Variants in RGS5 observed in about 807,000 individuals in gnomAD.
RGS5 encodes the protein regulator of G-protein signalling 5.
In RGS5, 20 loss-of-function variants were observed where a neutral mutation model predicts 18.9. That is an observed-to-expected ratio of 1.06 (90% CI 0.74 to 1.54). The LOEUF (loss-of-function observed/expected upper bound fraction) is 1.54. RGS5 is among the 40% of genes most tolerant of loss of function. RGS5 has a pLI of 0.00. For missense variants in RGS5, 201 were observed against 211.8 expected, an observed-to-expected ratio of 0.95 and a Z score of 0.32; for synonymous variants, 57 against 76.2, an observed-to-expected ratio of 0.75 and a Z score of 1.31.
rs1425087884 is a variant in RGS5 at position 163,146,268 on chromosome 1, G to T, written c.*1074C>A. The stretch of plus-strand genomic sequence containing the variant: ...TTTTTTTTTTTTTTTGCAAAATGCA[G>T]TGTACCTTAAAAGTGTCTCACCTAG... On this transcript the variant is annotated 3_prime_UTR_variant, in exon 5 of 5. Coordinates refer to ENST00000313961, the MANE Select transcript of RGS5 (RefSeq NM_003617.4). 1 of 148,724 alleles carries T rather than the reference G, an allele frequency of 6.7e-6. No individual in the cohort carries two copies. The highest frequency in any genetic ancestry group is 2.5e-5 in the African/African-American group (1 of 40,102). The allele number at this position is 148,724 out of a possible 1,614,324, so 9.2% of individuals were successfully genotyped here.
At chr1:163,288,225 A>G (rs1050984204) in intron 2 of RGS5, among the ~76,000 whole-genome samples, 3 of 152,180 alleles carry the variant, frequency 2.0e-5, no homozygotes, top group Non-Finnish European at 4.4e-5. Context: ...GTTACATTCA[A>G]TAATTCTCTA....
At chr1:163,269,243 G>A (rs1648650541) in intron 2 of RGS5, among the ~76,000 whole-genome samples, 1 of 152,092 alleles carries the variant, frequency 6.6e-6, no homozygotes, top group Non-Finnish European at 1.5e-5. Context: ...AAAAAATTGG[G>A]CTGGAACTAG....
intron 2 of RGS5, among the ~76,000 whole-genome samples, chr1:163,283,351 C>T (rs1042066318): frequency 2.0e-5 from 3 of 152,150 alleles, no homozygotes; most frequent in Non-Finnish European, 4.4e-5. Flanking sequence ...TACTAATTAT[C>T]CTGATTTGAT....
intron 1 of RGS5, among the ~76,000 whole-genome samples, chr1:163,311,054 G>A (rs1649845266): frequency 6.6e-6 from 1 of 152,148 alleles, no homozygotes; most frequent in African/African-American, 2.4e-5. Flanking sequence ...CTTGATACAT[G>A]GGGATTATGA....
chr1:163,153,140 G>A (rs993368326), intron 3 of RGS5, among the ~76,000 whole-genome samples: 1 of 152,148 alleles, frequency 6.6e-6, no homozygotes, highest in African/African-American at 2.4e-5. Context: ...TGCAAGTAAT[G>A]TTAATGTTAA....
At chr1:163,300,286 G>C (rs1403228588) in intron 2 of RGS5, 3 of 152,176 alleles carry the variant, frequency 2.0e-5, no homozygotes, top group Non-Finnish European at 2.9e-5. Context: ...TGCAGGTGGA[G>C]GTTACCAAAA....
At chr1:163,232,342 T>C (rs965123228) in intron 2 of RGS5, among the ~76,000 whole-genome samples, 4 of 152,222 alleles carry the variant, frequency 2.6e-5, no homozygotes, top group African/African-American at 9.6e-5. Flanking sequence ...CTGTGCCTTC[T>C]GAAGCAAATA....
chr1:163,247,533 C>T (rs1048471242), intron 2 of RGS5, among the ~76,000 whole-genome samples: 22 of 151,358 alleles, frequency 1.5e-4, no homozygotes, highest in African/African-American at 5.3e-4. Context: ...CTATATGTAC[C>T]ACTTTAGTTA....
Position 163,258,645 on chromosome 1 carries a change from CTGTGTGTGTGTGTGTG to C in RGS5, c.-281+47572_-281+47587del, listed in dbSNP as rs113301415. On this transcript the variant is annotated intron_variant, in intron 2 of 5. Transcript: ENST00000618415. ...GAGGAAAATGCTAAAGTAAGTGTGT[CTGTGTGTGTGTGTGTG>C]TGTGTGTGTGTGTACAATTTTTTTT... Among the ~76,000 whole-genome samples the C allele has an allele frequency of 4.0e-5, 6 of 148,290 alleles. 1 individual carries two copies. The highest frequency in any genetic ancestry group is 4.3e-4 in the South Asian group (2 of 4,616).
At chr1:163,306,945 A>C (rs1571353788) in intron 1 of RGS5, among the ~76,000 whole-genome samples, 1 of 152,130 alleles carries the variant, frequency 6.6e-6, no homozygotes, top group East Asian at 1.9e-4. Flanking sequence ...TGAGACAATG[A>C]ATTTCTGTTG....
At chr1:163,260,214 G>A (rs546074579) in intron 2 of RGS5, 1 of 152,142 alleles carries the variant, frequency 6.6e-6, no homozygotes, top group African/African-American at 2.4e-5. Flanking sequence ...TTTAGGTCCC[G>A]AGTGATTTTT....
At chr1:163,229,100 C>T (rs1281660575) in intron 2 of RGS5, among the ~76,000 whole-genome samples, 2 of 152,192 alleles carry the variant, frequency 1.3e-5, no homozygotes, top group East Asian at 1.9e-4. Context: ...ACAGCAGTGC[C>T]CCATTCTATG....
chr1:163,281,360 T>A (rs540405690), intron 2 of RGS5, among the ~76,000 whole-genome samples: 1 of 152,276 alleles, frequency 6.6e-6, no homozygotes, highest in Non-Finnish European at 1.5e-5. Flanking sequence ...ACAGGAAGCA[T>A]GATGCTAGCA....
In RGS5 at chr1:163,144,398, C is replaced by A; in HGVS notation, c.*2944G>T. ...CCCCAACCCTAAACTATATCAAACCCAGGCAGAAAAACTGAAGTTACAGGC... is the reference window on the plus strand; with the variant it reads ...CCCCAACCCTAAACTATATCAAACCAAGGCAGAAAAACTGAAGTTACAGGC... On this transcript the variant is annotated 3_prime_UTR_variant, in exon 5 of 5. Transcript: ENST00000313961. 1 of 152,160 alleles carries A rather than the reference C, an allele frequency of 6.6e-6. No homozygotes were observed. The highest frequency in any genetic ancestry group is 1.9e-4 in the East Asian group (1 of 5,190). The allele number at this position is 152,160 out of a possible 1,614,324, so 9.4% of individuals were successfully genotyped here.
In RGS5 at chr1:163,145,717, G is replaced by A. The variant is rs1233209949; in HGVS notation, c.*1625C>T. Reference sequence around the variant, plus strand: ...ATTATTCTTGAAGTCACAAAAATAGGGAAAATCCAACAAGCGCAGTCAGTG... The same window carrying A: ...ATTATTCTTGAAGTCACAAAAATAGAGAAAATCCAACAAGCGCAGTCAGTG... On this transcript the variant is annotated 3_prime_UTR_variant, in exon 5 of 5. Coordinates refer to ENST00000313961, the MANE Select transcript of RGS5 (RefSeq NM_003617.4). 1 of 152,042 alleles carries A rather than the reference G, an allele frequency of 6.6e-6. No individual in the cohort carries two copies. Among genetic ancestry groups the A allele is most frequent in the Non-Finnish European group, 1.5e-5 (1 of 68,010 alleles). The allele number at this position is 152,042 out of a possible 1,614,324, so 9.4% of individuals were successfully genotyped here.
At chr1:163,150,436 A>G (rs2102381354) in intron 4 of RGS5, among the ~76,000 whole-genome samples, 1 of 152,318 alleles carries the variant, frequency 6.6e-6, no homozygotes, top group East Asian at 1.9e-4. Flanking sequence ...TCAAGTTGAT[A>G]GGAAGGTAAG....
intron 2 of RGS5, among the ~76,000 whole-genome samples, chr1:163,305,705 A>G (rs569254557): frequency 6.6e-6 from 1 of 152,322 alleles, no homozygotes; most frequent in East Asian, 1.9e-4. Flanking sequence ...GGAGCTCTAC[A>G]GTGGGCCTGC....
chr1:163,268,571 C>A (rs1467523913), intron 2 of RGS5, among the ~76,000 whole-genome samples: 1 of 152,052 alleles, frequency 6.6e-6, no homozygotes, highest in Non-Finnish European at 1.5e-5. Context: ...AACCCACATC[C>A]CCAACTCTAT....
At chr1:163,183,172 TAAC>T (rs1055409672) in intron 1 of RGS5, among the ~76,000 whole-genome samples, 6 of 152,276 alleles carry the variant, frequency 3.9e-5, no homozygotes, top group Non-Finnish European at 5.9e-5. Flanking sequence ...GAAAATAACA[TAAC>T]AATGAGGAAT....
Sources: allele counts gnomAD v4.1 joint callset (sites outside exome capture counted in the v4.1 genomes callset), GRCh38; gene constraint gnomAD v4.1.1; transcripts MANE v1.5; gene names NCBI Gene and HGNC (gene_info 2026-07-23, HGNC 2026-07-21).